Variants in ZNF516 observed in about 807,000 individuals in gnomAD.
The protein encoded by ZNF516 is zinc finger protein 516.
A neutral mutation model predicts 79.7 loss-of-function variants in ZNF516; 19 were observed. The ratio of observed to expected loss-of-function variants is 0.24; its 90% CI spans 0.17 to 0.35. ZNF516 has a LOEUF of 0.35. Ranked by LOEUF, ZNF516 falls within the 10% of genes least tolerant of loss-of-function variation. The pLI, the probability that ZNF516 is intolerant of heterozygous loss-of-function variation, is 1.00. For missense variants in ZNF516, 1,678 were observed against 1,679.5 expected (o/e 1.00, Z 0.02); for synonymous variants, 877 against 739.5 (o/e 1.19, Z -3.02).
At chr18:76,374,795 A>C (rs959461621) in intron 4 of ZNF516, among the ~76,000 whole-genome samples, 3 of 152,220 alleles carry the variant, frequency 2.0e-5, no homozygotes, top group Non-Finnish European at 2.9e-5. Context: ...GGAAGTTGTG[A>C]TCTTTACAGC....
chr18:76,442,794 C>T lies in ZNF516; in HGVS notation c.261G>A (p.Gly87=). The change falls in exon 3 of 7, where the codon GGG becomes GGA. Residue 87 remains glycine, a synonymous_variant. Transcript: ENST00000443185. Reference sequence around the variant, plus strand: ...CCGGCTCGTGTCCCTGAATCAGAGTCCCCGTGCGGTGGCTCCGGATGTGAA... The same window carrying T: ...CCGGCTCGTGTCCCTGAATCAGAGTTCCCGTGCGGTGGCTCCGGATGTGAA... ...LKIHIRSHRT[G]TLIQGHEPEA... is the part of the protein sequence containing the mutation. The T allele has an allele frequency of 6.2e-7, 1 of 1,607,686 alleles. No individual in the cohort carries two copies. Among genetic ancestry groups the T allele is most frequent in the Non-Finnish European group, 8.5e-7 (1 of 1,176,978 alleles).
intron 2 of ZNF516, among the ~76,000 whole-genome samples, chr18:76,443,867 T>C (rs796950593): frequency 1.1e-4 from 16 of 152,238 alleles, no homozygotes; most frequent in African/African-American, 3.8e-4. Context: ...CTCCTAGAGA[T>C]TGTGCCCAAG....
chr18:76,441,693 G>T lies in ZNF516; in HGVS notation c.1362C>A (p.Arg454=). The T allele has an allele frequency of 6.4e-7, 1 of 1,565,134 alleles. No individual in the cohort carries two copies. Residue 454 remains arginine, a synonymous_variant, in exon 3 of 7, where the codon CGC becomes CGA. Transcript: ENST00000443185. ...AGDVAFDKDR[R]EYVLVSQEKR... ...TCTCCTGGCTCACCAGGACGTACTC[G>T]CGCCTGTCCTTGTCGAAGGCCACGT...
chr18:76,488,480 T>G (rs1004404614), intron 1 of ZNF516, among the ~76,000 whole-genome samples: 12 of 131,262 alleles, frequency 9.1e-5, no homozygotes, highest in Non-Finnish European at 1.5e-4. Flanking sequence ...CTACGTTCAG[T>G]AGATAGACAA....
At chr18:76,391,669 T>C (rs2075076446) in intron 3 of ZNF516, among the ~76,000 whole-genome samples, 1 of 152,226 alleles carries the variant, frequency 6.6e-6, no homozygotes, top group Non-Finnish European at 1.5e-5. Flanking sequence ...ACTGGCATCC[T>C]GGTAGCCTGG....
At chr18:76,492,842 T>C in intron 1 of ZNF516, 1 of 985,970 alleles carries the variant, frequency 1.0e-6, no homozygotes, top group Non-Finnish European at 1.2e-6. Flanking sequence ...GGCTGCTGCG[T>C]GCCCATGTAG....
intron 3 of ZNF516, among the ~76,000 whole-genome samples, chr18:76,401,085 T>A (rs1270778015): frequency 6.6e-6 from 1 of 152,162 alleles, no homozygotes; most frequent in Non-Finnish European, 1.5e-5. Context: ...CTTAACCCAT[T>A]TATGCCTAGT....
chr18:76,449,234 C>T (rs2145599135), intron 2 of ZNF516, among the ~76,000 whole-genome samples: 1 of 152,342 alleles, frequency 6.6e-6, no homozygotes, highest in African/African-American at 2.4e-5. Context: ...TGAAGCCAAA[C>T]TCTTCACCTT....
intron 1 of ZNF516, among the ~76,000 whole-genome samples, chr18:76,486,618 C>T (rs1044533216): frequency 2.6e-5 from 4 of 151,780 alleles, no homozygotes; most frequent in Non-Finnish European, 4.4e-5. Context: ...ACAGCTGTAT[C>T]CTGGAGGCTG....
chr18:76,401,985 ATG>A (rs1568262098), intron 3 of ZNF516, among the ~76,000 whole-genome samples: 1 of 151,958 alleles, frequency 6.6e-6, no homozygotes. Context: ...GCCTATGTGC[ATG>A]TGTGTACGCG....
chr18:76,473,600 G>A (rs59593109), intron 1 of ZNF516, among the ~76,000 whole-genome samples: 44 of 152,166 alleles, frequency 2.9e-4, no homozygotes, highest in African/African-American at 1.0e-3. Context: ...AGGAGATGGA[G>A]ACCATCCTAG....
chr18:76,465,151 A>G lies in ZNF516; in HGVS notation c.-271-2010T>C, dbSNP rs1007196036. ...ACTATCTGCTGGACATCGTGTCTTCAACATGTGTCAGTTTTTTAAACTAAG... is the reference window on the plus strand; with the variant it reads ...ACTATCTGCTGGACATCGTGTCTTCGACATGTGTCAGTTTTTTAAACTAAG... On this transcript the variant is annotated intron_variant, in intron 1 of 6. Coordinates refer to ENST00000443185, the MANE Select transcript of ZNF516 (RefSeq NM_014643.4). Among the ~76,000 whole-genome samples the G allele has an allele frequency of 4.6e-5, 7 of 152,350 alleles. No individual in the cohort carries two copies. The South Asian group carries it at 6.2e-4, about 14-fold the overall frequency.
At chr18:76,473,355 C>CAAAAAAAAA (rs35092154) in intron 1 of ZNF516, among the ~76,000 whole-genome samples, 2 of 87,664 alleles carry the variant, frequency 2.3e-5, no homozygotes, top group Non-Finnish European at 4.3e-5. Context: ...TTGCTCTCTG[C>CAAAAAAAAA]AAAAAAAAAA....
intron 1 of ZNF516, among the ~76,000 whole-genome samples, chr18:76,472,165 G>A (rs1568321237): frequency 1.3e-5 from 2 of 152,162 alleles, no homozygotes; most frequent in African/African-American, 4.8e-5. Flanking sequence ...GGCCTGTGAC[G>A]CTTCCTCCCT....
In ZNF516 at chr18:76,380,307, G is replaced by T. The variant is rs199555539; in HGVS notation, c.1811-4C>A. On this transcript the variant is annotated splice_region_variant and splice_polypyrimidine_tract_variant and intron_variant, in intron 3 of 6. Coordinates refer to ENST00000443185, the MANE Select transcript of ZNF516 (RefSeq NM_014643.4). ...CAGCAGCGGCGCGGCTGTCCCCCTA[G>T]AGGAGGCAAAATATGAAACGGGAAG... is the stretch of plus-strand genomic sequence containing the variant. The T allele has an allele frequency of 6.2e-7, 1 of 1,610,154 alleles. No homozygotes were observed. The highest frequency in any genetic ancestry group is 1.3e-5 in the African/African-American group (1 of 74,922).
chr18:76,451,761 A>AAAT lies in ZNF516; in HGVS notation c.-157-8553_-157-8551dup, dbSNP rs1912429740. On this transcript the variant is annotated intron_variant, in intron 2 of 6. Transcript: ENST00000443185. This position sits in a 1 kb window ranked among gnomAD's most constrained non-coding sequence, Gnocchi z 6.0. Reference sequence around the variant, plus strand: ...CTGTAGTATTATGAACCATGAATTAAAATACATCATTAACATCCTGGACAA... The same window carrying AAAT: ...CTGTAGTATTATGAACCATGAATTAAAATAATACATCATTAACATCCTGGACAA... Among the ~76,000 whole-genome samples the AAAT allele has an allele frequency of 6.6e-6, 1 of 152,208 alleles. No individual in the cohort carries two copies. Among genetic ancestry groups the AAAT allele is most frequent in the Non-Finnish European group, 1.5e-5 (1 of 68,036 alleles).
rs746968928 is a variant in ZNF516 at position 76,441,427 on chromosome 18, T to C, written c.1628A>G (p.Glu543Gly). The C allele has an allele frequency of 1.2e-5, 19 of 1,607,862 alleles. No individual in the cohort carries two copies. The highest frequency in any genetic ancestry group is 1.6e-4 in the Middle Eastern group (1 of 6,070). ...CGCCCTGTCCCCGTCACTGTCCCTC[T>C]CGCGGCGCGCGCGGCGATGCACGCG... ...HSRVHRRARR[E>G]RDSDGDRAAR... is the part of the protein sequence containing the mutation. Residue 543 changes from glutamate to glycine, a missense_variant, in exon 3 of 7, where the codon GAG becomes GGG. Physicochemically the swap from Glu to Gly is moderately conservative, Grantham distance 98 (BLOSUM62 -2). Coordinates refer to ENST00000443185, the MANE Select transcript of ZNF516 (RefSeq NM_014643.4).
At chr18:76,386,022 G>C (rs191316738) in intron 3 of ZNF516, 1 of 152,196 alleles carries the variant, frequency 6.6e-6, no homozygotes, top group South Asian at 2.1e-4. Context: ...GCCTAACTTC[G>C]TAAGTGTTTA....
In ZNF516 at chr18:76,357,824, C is replaced by T. The variant is rs2074478076; in HGVS notation, c.*4674G>A. Reference sequence around the variant, plus strand: ...TAATTTCCTCCAGGTGTGGCTGAGTCAGAATTCCGTCCGCGTCCATCCCTG... The same window carrying T: ...TAATTTCCTCCAGGTGTGGCTGAGTTAGAATTCCGTCCGCGTCCATCCCTG... On this transcript the variant is annotated 3_prime_UTR_variant, in exon 7 of 7. Transcript: ENST00000443185. Among the ~76,000 whole-genome samples, 1 of 152,166 alleles carries T rather than the reference C, an allele frequency of 6.6e-6. No individual in the cohort carries two copies. The highest frequency in any genetic ancestry group is 1.5e-5 in the Non-Finnish European group (1 of 68,040).
Sources: gnomAD v4.1 joint callset for allele counts (sites outside exome capture counted in the v4.1 genomes callset) on GRCh38, gnomAD v4.1.1 for gene constraint, Gnocchi (gnomAD v3.1) non-coding constraint, MANE v1.5 for transcripts, NCBI Gene and HGNC (gene_info 2026-07-23, HGNC 2026-07-21) for gene names.